ABLIM1: variants seen among roughly 807,000 people sequenced by gnomAD.
ABLIM1 encodes actin binding LIM protein 1, also known as actin-binding LIM protein 1.
A neutral mutation model predicts 107.0 loss-of-function variants in ABLIM1; 40 were observed. The ratio of observed to expected loss-of-function variants is 0.37; its 90% confidence interval spans 0.29 to 0.49. ABLIM1 has a LOEUF of 0.49. Among genes scored for constraint, ABLIM1 ranks in the 20% least tolerant of loss-of-function variants. The pLI is 0.97. For missense variants in ABLIM1, 857 were observed against 1,008.5 expected (o/e 0.85, Z 2.04); for synonymous variants, 357 against 357.3 (o/e 1.00, Z 0.01).
chr10:114,575,385 G>A (rs754025261), intron 3 of ABLIM1, 31 bp downstream of exon 3: 6 of 1,606,936 alleles, frequency 3.7e-6, no homozygotes, highest in Non-Finnish European at 3.4e-6. Context: ...TTGGAGGAAG[G>A]TGTAGGCTTT....
intron 6 of ABLIM1, among the ~76,000 whole-genome samples, chr10:114,503,554 T>A (rs74158012): frequency 6.6e-6 from 1 of 152,200 alleles, no homozygotes; most frequent in African/African-American, 2.4e-5. Context: ...TGTATATATA[T>A]ACATATATAT....
At chr10:114,509,071 G>A (rs1410296539) in intron 6 of ABLIM1, among the ~76,000 whole-genome samples, 1 of 152,176 alleles carries the variant, frequency 6.6e-6, no homozygotes, top group Non-Finnish European at 1.5e-5. Flanking sequence ...GGGAAATTTA[G>A]AATGAGAATA....
chr10:114,731,890 G>T (rs12761991), intron 1 of ABLIM1, among the ~76,000 whole-genome samples: 1 of 152,028 alleles, frequency 6.6e-6, no homozygotes, highest in Admixed American at 6.6e-5. Flanking sequence ...GATTACAGGC[G>T]TGAGCCACCA....
chr10:114,599,167 TTATTTTAG>T (rs1433665289), intron 2 of ABLIM1, among the ~76,000 whole-genome samples: 1 of 152,228 alleles, frequency 6.6e-6, no homozygotes, highest in Non-Finnish European at 1.5e-5. Flanking sequence ...GATGACTCAT[TTATTTTAG>T]TAACATTTTG....
At chr10:114,470,381 C>T (rs2066243036) in intron 10 of ABLIM1, among the ~76,000 whole-genome samples, 1 of 140,160 alleles carries the variant, frequency 7.1e-6, no homozygotes. Flanking sequence ...CAAGATTGCA[C>T]CACTACACTC....
chr10:114,443,934 CT>C, intron 17 of ABLIM1, 94 bp downstream of exon 17: 2 of 994,068 alleles, frequency 2.0e-6, no homozygotes, highest in Non-Finnish European at 3.0e-6. Flanking sequence ...GTGGAATACT[CT>C]GTAGGTTCCA....
At chr10:114,742,978 T>C (rs961858270) in intron 1 of ABLIM1, among the ~76,000 whole-genome samples, 4 of 152,144 alleles carry the variant, frequency 2.6e-5, no homozygotes, top group Non-Finnish European at 5.9e-5. Context: ...ATTAAATTAG[T>C]TAATCTGTGT....
chr10:114,465,906 C>A, intron 11 of ABLIM1, 79 bp from the exon 12 acceptor site: 1 of 1,478,846 alleles, frequency 6.8e-7, no homozygotes, highest in African/African-American at 1.4e-5. Context: ...GCCAAGGAAC[C>A]ATCATGTCTA....
intron 1 of ABLIM1, among the ~76,000 whole-genome samples, chr10:114,713,501 A>T (rs76416419): frequency 0.04 from 6,066 of 152,312 alleles, 176 homozygotes; most frequent in African/African-American, 0.063. Context: ...AAACAGGGAT[A>T]GTCCGGAAGC....
At chr10:114,439,857 C>T in intron 20 of ABLIM1, 2 of 641,514 alleles carry the variant, frequency 3.1e-6, no homozygotes, top group Non-Finnish European at 5.2e-6. Context: ...AAGAGAGACC[C>T]CCTACACCTG....
chr10:114,635,010 A>G (rs112771250), intron 1 of ABLIM1, among the ~76,000 whole-genome samples: 13 of 152,244 alleles, frequency 8.5e-5, no homozygotes, highest in South Asian at 4.1e-4. Flanking sequence ...AGCAAACTAC[A>G]TCAAGAATAA....
Position 114,473,870 on chromosome 10 carries a change from G to T in ABLIM1, c.1119+9C>A. On this transcript the variant is annotated intron_variant, in intron 9 of 22. Transcript: ENST00000533213. ...CCCAGAAATGTCACTTCCAGAAGTA[G>T]ATACTTACATAGATAGTATGACCTG... 6.3e-7 allele frequency: 1 copy of T among 1,599,940 alleles called. No individual in the cohort carries two copies. The highest frequency in any genetic ancestry group is 8.6e-7 in the Non-Finnish European group (1 of 1,168,828).
At chr10:114,558,727 C>A (rs868181307) in intron 4 of ABLIM1, among the ~76,000 whole-genome samples, 1 of 152,154 alleles carries the variant, frequency 6.6e-6, no homozygotes, top group South Asian at 2.1e-4. Flanking sequence ...GGATAAGAAT[C>A]TCTTAAACTG....
chr10:114,567,151 C>A (rs2070872098), intron 4 of ABLIM1, among the ~76,000 whole-genome samples: 1 of 152,248 alleles, frequency 6.6e-6, no homozygotes, highest in African/African-American at 2.4e-5. Flanking sequence ...GGAGTCAGGG[C>A]ACCTGGATAA....
chr10:114,678,351 T>A (rs989935704), intron 1 of ABLIM1, among the ~76,000 whole-genome samples: 1 of 152,252 alleles, frequency 6.6e-6, no homozygotes, highest in Non-Finnish European at 1.5e-5. Flanking sequence ...CATATAATTG[T>A]TTTCTGACTT....
At chr10:114,608,000 T>A (rs919323826) in intron 1 of ABLIM1, among the ~76,000 whole-genome samples, 3 of 152,242 alleles carry the variant, frequency 2.0e-5, no homozygotes, top group Non-Finnish European at 4.4e-5. Flanking sequence ...GGAAACCAAG[T>A]GTTGAGTATA....
chr10:114,479,565 G>A (rs2057027976), intron 8 of ABLIM1, among the ~76,000 whole-genome samples: 1 of 152,122 alleles, frequency 6.6e-6, no homozygotes. Context: ...TGCCGATGAC[G>A]ATGACCTTGC....
chr10:114,528,572 AC>A (rs962035832), intron 6 of ABLIM1, among the ~76,000 whole-genome samples: 2 of 152,132 alleles, frequency 1.3e-5, no homozygotes, highest in African/African-American at 4.8e-5. Context: ...TCCTCACCAC[AC>A]CCTTATAGGG....
At chr10:114,659,244 C>T (rs2079672274), upstream of ABLIM1, among the ~76,000 whole-genome samples, 2 of 151,918 alleles carry the variant, frequency 1.3e-5, no homozygotes, top group Non-Finnish European at 2.9e-5. Flanking sequence ...TGCGGTTGCT[C>T]ACGTCTGTAA....
Sources: gnomAD v4.1 joint callset for allele counts (sites outside exome capture counted in the v4.1 genomes callset) on GRCh38, gnomAD v4.1.1 for gene constraint, MANE v1.5 for transcripts, NCBI Gene and HGNC (gene_info 2026-07-23, HGNC 2026-07-21) for gene names.